CTNNA2: variants seen among roughly 807,000 people sequenced by gnomAD.
The protein encoded by CTNNA2 is catenin alpha-2.
A neutral mutation model predicts 101.0 loss-of-function variants in CTNNA2; 42 were observed. The ratio of observed to expected loss-of-function variants is 0.42; its 90% CI spans 0.32 to 0.54. The LOEUF (loss-of-function observed/expected upper bound fraction) is 0.54, where lower values mean the gene tolerates loss of function less well. Among genes scored for constraint, CTNNA2 ranks in the 20% least tolerant of loss-of-function variants. The pLI is 0.14. For synonymous variants in CTNNA2, 450 were observed against 456.4 expected (o/e 0.99, Z 0.18); for missense variants, 871 against 1,223.1 (o/e 0.71, Z 4.29).
At chr2:79,475,804 TTCTAC>T (rs1300602013) in intron 4 of CTNNA2, among the ~76,000 whole-genome samples, 5 of 152,176 alleles carry the variant, frequency 3.3e-5, no homozygotes, top group African/African-American at 9.7e-5. Context: ...ACAGGCCACA[TTCTAC>T]TCTGTTTGTC....
Position 80,062,077 on chromosome 2 carries a change from A to T in CTNNA2, c.1056+152280A>T, listed in dbSNP as rs973086882. Among the ~76,000 whole-genome samples the T allele has an allele frequency of 7.2e-5, 11 of 152,220 alleles. 1 individual carries two copies. Among genetic ancestry groups the T allele is most frequent in the Admixed American group, 2.6e-4 (4 of 15,284 alleles). ...CAAAGGAACCTGGGAAAAAGCTGAC[A>T]TTGCCACTGTAGCTTTGAGGCTTTC... On this transcript the variant is annotated intron_variant, in intron 7 of 18. Coordinates refer to ENST00000402739, the MANE Select transcript of CTNNA2 (RefSeq NM_001282597.3).
At chr2:79,817,809 C>A (rs1337831735) in intron 3 of CTNNA2, among the ~76,000 whole-genome samples, 1 of 152,142 alleles carries the variant, frequency 6.6e-6, no homozygotes, top group Non-Finnish European at 1.5e-5. Flanking sequence ...CAGGCTGGTG[C>A]TGACAACAAA....
chr2:80,096,990 C>T (rs1243706451), intron 7 of CTNNA2, among the ~76,000 whole-genome samples: 4 of 152,134 alleles, frequency 2.6e-5, no homozygotes, highest in African/African-American at 9.7e-5. Flanking sequence ...TTAATTGGAG[C>T]ATTTAGCCCA....
intron 3 of CTNNA2, among the ~76,000 whole-genome samples, chr2:79,784,877 G>A (rs1185336416): frequency 2.0e-5 from 3 of 151,990 alleles, no homozygotes; most frequent in African/African-American, 4.8e-5. Flanking sequence ...AAAAACAGGC[G>A]AAACTTACTT....
At chr2:79,474,052 C>G (rs1450743090) in intron 4 of CTNNA2, among the ~76,000 whole-genome samples, 2 of 152,014 alleles carry the variant, frequency 1.3e-5, no homozygotes, top group Non-Finnish European at 2.9e-5. Flanking sequence ...TGTCTAGTGA[C>G]TACTTTTTTA....
Position 80,545,166 on chromosome 2 carries a change from G to C in CTNNA2, c.1383+92G>C, listed in dbSNP as rs1691932737. On this transcript the variant is annotated intron_variant, in intron 10 of 18. Coordinates refer to ENST00000402739, the MANE Select transcript of CTNNA2 (RefSeq NM_001282597.3). ...TCCTTTTCCTTCTCTATTTCCTCTT[G>C]CTGAAAAAGGCTACTCATCATTTAT... is the stretch of plus-strand genomic sequence containing the variant. The C allele has an allele frequency of 3.4e-6, 4 of 1,160,936 alleles. No homozygotes were observed. The South Asian group carries it at 5.8e-5, about 17-fold the overall frequency. The allele number at this position is 1,160,936 out of a possible 1,614,324, so 71.9% of individuals were successfully genotyped here.
chr2:80,013,783 T>G (rs966894721), intron 7 of CTNNA2, among the ~76,000 whole-genome samples: 34 of 152,346 alleles, frequency 2.2e-4, no homozygotes, highest in Non-Finnish European at 1.9e-4. Flanking sequence ...TCCAGCATCC[T>G]ACTTACTTAT....
intron 7 of CTNNA2, among the ~76,000 whole-genome samples, chr2:80,044,691 G>A (rs1696398445): frequency 6.6e-6 from 1 of 152,046 alleles, no homozygotes; most frequent in Admixed American, 6.6e-5. Context: ...CACTGGATAA[G>A]AACATTCTCT....
chr2:80,069,380 T>G (rs1237651508), intron 7 of CTNNA2, among the ~76,000 whole-genome samples: 1 of 152,178 alleles, frequency 6.6e-6, no homozygotes, highest in Non-Finnish European at 1.5e-5. Flanking sequence ...CCATATAAAA[T>G]TAACCATCAC....
chr2:79,889,163 G>T (rs1029482099), intron 6 of CTNNA2, among the ~76,000 whole-genome samples: 1 of 152,182 alleles, frequency 6.6e-6, no homozygotes, highest in Non-Finnish European at 1.5e-5. Context: ...GTTTGATTCA[G>T]TGGTGAAGTA....
At chr2:80,201,107 A>G (rs1284410211) in intron 7 of CTNNA2, among the ~76,000 whole-genome samples, 1 of 152,160 alleles carries the variant, frequency 6.6e-6, no homozygotes, top group Non-Finnish European at 1.5e-5. Context: ...TAATTAAAAT[A>G]CCTAATGCAA....
At chr2:79,376,673 C>T (rs1209006765) in intron 4 of CTNNA2, among the ~76,000 whole-genome samples, 2 of 152,002 alleles carry the variant, frequency 1.3e-5, no homozygotes, top group African/African-American at 4.8e-5. Flanking sequence ...GTGTGATGTT[C>T]CCCTTGCTGT....
intron 2 of CTNNA2, among the ~76,000 whole-genome samples, chr2:79,667,517 G>A (rs536633291): frequency 1.3e-5 from 2 of 152,226 alleles, no homozygotes; most frequent in East Asian, 3.9e-4. Flanking sequence ...GGAGTTTATT[G>A]AATTGTTTTT....
At chr2:80,567,473 C>T (rs1162607935) in intron 12 of CTNNA2, among the ~76,000 whole-genome samples, 1 of 152,086 alleles carries the variant, frequency 6.6e-6, no homozygotes, top group African/African-American at 2.4e-5. Context: ...GTCAGAGTCC[C>T]CTTTGGGCAA....
intron 7 of CTNNA2, among the ~76,000 whole-genome samples, chr2:80,343,017 G>C (rs1672380197): frequency 6.6e-6 from 1 of 152,108 alleles, no homozygotes; most frequent in South Asian, 2.1e-4. Flanking sequence ...AGAACGGAGT[G>C]ATCTTTCTAT....
intron 9 of CTNNA2, among the ~76,000 whole-genome samples, chr2:80,530,584 G>A (rs571740416): frequency 1.5e-4 from 23 of 152,184 alleles, no homozygotes; most frequent in Non-Finnish European, 2.5e-4. Flanking sequence ...AAGCAGAGGA[G>A]AACTTGAAGC....
chr2:79,548,306 G>A (rs912774401), intron 1 of CTNNA2, among the ~76,000 whole-genome samples: 22 of 152,238 alleles, frequency 1.4e-4, no homozygotes, highest in Admixed American at 9.8e-4. Context: ...TAAGCACTTT[G>A]TTTTGTGTGA....
Position 80,253,811 on chromosome 2 carries a change from CA to C in CTNNA2, c.1057-139398del, listed in dbSNP as rs545207740. Among the ~76,000 whole-genome samples, 6 of 152,242 alleles carry C rather than the reference CA, an allele frequency of 3.9e-5. No homozygotes were observed. The South Asian group carries it at 1.2e-3, about 32-fold the overall frequency. On this transcript the variant is annotated intron_variant, in intron 7 of 18. Transcript: ENST00000402739. ...ATTCTAGTCCCAGATCTGCCACAAA[CA>C]ACAAGGCCATTAGCCACTTTGGGCC...
At chr2:80,057,172 G>GTTTT (rs1260783289) in intron 7 of CTNNA2, among the ~76,000 whole-genome samples, 1 of 138,298 alleles carries the variant, frequency 7.2e-6, no homozygotes, top group African/African-American at 2.9e-5. Flanking sequence ...AAGTATATAA[G>GTTTT]TTGTTTTTTT....
Sources: allele counts gnomAD v4.1 joint callset (sites outside exome capture counted in the v4.1 genomes callset), GRCh38; gene constraint gnomAD v4.1.1; transcripts MANE v1.5; gene names NCBI Gene and HGNC (gene_info 2026-07-23, HGNC 2026-07-21).